Variants in PTHLH observed in about 807,000 individuals in gnomAD.
The protein encoded by PTHLH is parathyroid hormone like hormone, also known as parathyroid hormone-related protein.
Under a neutral mutation model 18.6 loss-of-function variants are expected in PTHLH, and 5 were observed. The observed-to-expected ratio is 0.27, with a 90% CI of 0.14 to 0.56. The LOEUF (loss-of-function observed/expected upper bound fraction) is 0.56, where lower values mean the gene tolerates loss of function less well. Among genes scored for constraint, PTHLH ranks in the 20% least tolerant of loss-of-function variants. The pLI is 0.92. For missense variants in PTHLH, 207 were observed against 223.9 expected, an observed-to-expected ratio of 0.92 and a Z score of 0.48; for synonymous variants, 90 against 94.0, an observed-to-expected ratio of 0.96 and a Z score of 0.25.
At chr12:27,968,803 C>T (rs1002040957) in intron 4 of PTHLH, among the ~76,000 whole-genome samples, 22 of 152,256 alleles carry the variant, frequency 1.4e-4, no homozygotes, top group Non-Finnish European at 2.5e-4. Flanking sequence ...ATCAAGCGCT[C>T]TAGCGTTCCT....
In PTHLH at chr12:27,958,543, G is replaced by T; in HGVS notation, c.*16C>A. The stretch of plus-strand genomic sequence containing the variant: ...GAATCCTGCAATATGTCCTTGGAAG[G>T]TCTCTGCTGAAAATTTCAATGCCTC... On this transcript the variant is annotated 3_prime_UTR_variant, in exon 6 of 6. Coordinates refer to ENST00000545234, the MANE Select transcript of PTHLH (RefSeq NM_198965.2). 1 of 1,572,296 alleles carries T rather than the reference G, an allele frequency of 6.4e-7. No homozygotes were observed. Among genetic ancestry groups the T allele is most frequent in the Non-Finnish European group, 8.6e-7 (1 of 1,156,392 alleles).
chr12:27,972,023 T>TTAA lies in PTHLH; in HGVS notation c.-358-5_-358-4insTTA, dbSNP rs2062875476. ...CGTTAGATCTGAAGGGGGAAATCTG[T>TTAA]AAAAAAAAAAAAAAAAAAAAAAAAA... is the stretch of plus-strand genomic sequence containing the variant. On this transcript the variant is annotated splice_region_variant and splice_polypyrimidine_tract_variant and intron_variant, in intron 1 of 5. Coordinates refer to ENST00000545234, the MANE Select transcript of PTHLH (RefSeq NM_198965.2). The TTAA allele has an allele frequency of 1.8e-5, 1 of 55,350 alleles. No homozygotes were observed. The highest frequency in any genetic ancestry group is 3.6e-5 in the Non-Finnish European group (1 of 28,018). 3.4% of individuals were successfully genotyped at this position (55,350 alleles called of 1,614,324 possible).
intron 2 of PTHLH, among the ~76,000 whole-genome samples, chr12:27,971,671 TG>T (rs1341404737): frequency 6.6e-6 from 1 of 151,610 alleles, no homozygotes; most frequent in Non-Finnish European, 1.5e-5. Context: ...CTGCTTAGGT[TG>T]GGTGGGGGGG....
chr12:27,968,241 G>C (rs1298930813), intron 4 of PTHLH, among the ~76,000 whole-genome samples: 1 of 152,148 alleles, frequency 6.6e-6, no homozygotes, highest in Non-Finnish European at 1.5e-5. Context: ...CCAAGGTTCC[G>C]ACATGTCTAA....
intron 4 of PTHLH, among the ~76,000 whole-genome samples, chr12:27,964,301 C>T (rs1277396294): frequency 1.3e-5 from 2 of 151,474 alleles, no homozygotes; most frequent in Admixed American, 1.3e-4. Context: ...CACACACGCC[C>T]CATTAAGAAA....
At chr12:27,960,521 C>T (rs1321674686) in intron 5 of PTHLH, among the ~76,000 whole-genome samples, 1 of 151,904 alleles carries the variant, frequency 6.6e-6, no homozygotes, top group Non-Finnish European at 1.5e-5. Context: ...AGTTCGAGAC[C>T]AGCCTGGCCA....
intron 5 of PTHLH, among the ~76,000 whole-genome samples, chr12:27,960,711 CTG>C (rs1196120666): frequency 2.0e-4 from 23 of 112,970 alleles, no homozygotes; most frequent in Admixed American, 1.9e-3. Context: ...GAGCAAGACT[CTG>C]TCTCAAAAAA....
chr12:27,958,437 G>A lies in PTHLH; in HGVS notation c.*122C>T. 7.4e-6 allele frequency: 7 copies of A among 944,826 alleles called. No homozygotes were observed. The highest frequency in any genetic ancestry group is 7.5e-6 in the Non-Finnish European group (5 of 670,466). 58.5% of individuals were successfully genotyped at this position (944,826 alleles called of 1,614,324 possible). ...ATGTGCAGTTTCATAGAGCAATGGG[G>A]GAGACAGTTTTATTCCAATGCATTT... On this transcript the variant is annotated 3_prime_UTR_variant, in exon 6 of 6. Coordinates refer to ENST00000545234, the MANE Select transcript of PTHLH (RefSeq NM_198965.2).
Position 27,961,420 on chromosome 12 carries a change from G to A in PTHLH, c.524+1928C>T, listed in dbSNP as rs529790063. On this transcript the variant is annotated intron_variant, in intron 5 of 5. Coordinates refer to ENST00000545234, the MANE Select transcript of PTHLH (RefSeq NM_198965.2). ...TAGGTAGAGGATACAATCAGAACTA[G>A]GTCTAAAAACACCAAAATAATATGT... Among the ~76,000 whole-genome samples, 26 of 145,902 alleles carry A rather than the reference G, an allele frequency of 1.8e-4. 1 individual carries two copies. In the South Asian group the frequency reaches 5.5e-3, roughly 31 times the overall value.
chr12:27,970,123 G>C lies in PTHLH; in HGVS notation c.-121C>G, dbSNP rs774239226. On this transcript the variant is annotated 5_prime_UTR_variant, in exon 3 of 6. Transcript: ENST00000545234. ...CGTCGATCAGGAGGGCCAGGTGGCG[G>C]CGAGGGCGGGTCGTTAGTGGCAGCC... The C allele has an allele frequency of 3.9e-6, 2 of 518,812 alleles. No individual in the cohort carries two copies. The highest frequency in any genetic ancestry group is 1.4e-5 in the South Asian group (1 of 71,614). 32.1% of individuals were successfully genotyped at this position (518,812 alleles called of 1,614,324 possible). A position where few individuals can be genotyped will look rare whatever the true frequency, so the allele number is the denominator to read the frequency against.
chr12:27,959,455 T>G (rs767754138), intron 5 of PTHLH, among the ~76,000 whole-genome samples: 2 of 152,220 alleles, frequency 1.3e-5, no homozygotes, highest in Non-Finnish European at 2.9e-5. Context: ...GTAATGACAG[T>G]ATTTTAAGAT....
chr12:27,961,311 A>ACGTATATATATATATACG (rs3032442), intron 5 of PTHLH, among the ~76,000 whole-genome samples: 1 of 108,720 alleles, frequency 9.2e-6, no homozygotes, highest in African/African-American at 3.8e-5. Flanking sequence ...GTATATATAT[A>ACGTATATATATATATACG]TATATATATA....
At chr12:27,971,103 T>G (rs570817428) in intron 2 of PTHLH, among the ~76,000 whole-genome samples, 4 of 152,052 alleles carry the variant, frequency 2.6e-5, no homozygotes, top group African/African-American at 9.6e-5. Flanking sequence ...TCACTCATGG[T>G]CGGGAGTCTA....
At chr12:27,962,817 T>G in intron 5 of PTHLH, 2 of 969,722 alleles carry the variant, frequency 2.1e-6, no homozygotes, top group Non-Finnish European at 2.5e-6. Flanking sequence ...TAAAATAAAT[T>G]TGAGATTTAA....
intron 2 of PTHLH, among the ~76,000 whole-genome samples, chr12:27,971,408 AG>A (rs2062870955): frequency 1.3e-5 from 2 of 152,058 alleles, no homozygotes; most frequent in Non-Finnish European, 2.9e-5. Context: ...AAAGAGCGCG[AG>A]TGGACTGGGA....
chr12:27,964,139 C>T (rs1342651516), intron 4 of PTHLH, among the ~76,000 whole-genome samples: 1 of 152,066 alleles, frequency 6.6e-6, no homozygotes, highest in Non-Finnish European at 1.5e-5. Flanking sequence ...ACAGAAACCA[C>T]GGAGTATCTC....
chr12:27,969,478 A>G lies in PTHLH; in HGVS notation c.17T>C (p.Val6Ala). The G allele has an allele frequency of 3.8e-6, 6 of 1,587,378 alleles. No individual in the cohort carries two copies. The highest frequency in any genetic ancestry group is 5.1e-6 in the Non-Finnish European group (6 of 1,168,652). Residue 6 changes from valine (V) to alanine (A), a missense_variant, in exon 4 of 6, where the codon GTT becomes GCT. Physicochemically the swap from Val to Ala is moderately conservative, Grantham distance 64. Coordinates refer to ENST00000545234, the MANE Select transcript of PTHLH (RefSeq NM_198965.2). ...GAACACCGCGACGCTCCACTGCTGA[A>G]CCAGTCTCCGCTGCATCGTCTCCGC... is the stretch of plus-strand genomic sequence containing the variant. MQRRL[V>A]QQWSVAVFLL... is the part of the protein sequence containing the mutation.
At chr12:27,963,895 G>A (rs1387856622) in intron 4 of PTHLH, 125 bp from the exon 5 acceptor site, 23 of 959,008 alleles carry the variant, frequency 2.4e-5, no homozygotes, top group Non-Finnish European at 3.4e-5. Flanking sequence ...AGCTGGATGG[G>A]TAGCAAGCTC....
chr12:27,960,031 A>G (rs963174628), intron 5 of PTHLH, among the ~76,000 whole-genome samples: 1 of 152,206 alleles, frequency 6.6e-6, no homozygotes, highest in Non-Finnish European at 1.5e-5. Context: ...TAAAGGACCA[A>G]GGAGAAATCT....
Sources: gnomAD v4.1 joint callset for allele counts (sites outside exome capture counted in the v4.1 genomes callset) on GRCh38, gnomAD v4.1.1 for gene constraint, MANE v1.5 for transcripts, NCBI Gene and HGNC (gene_info 2026-07-23, HGNC 2026-07-21) for gene names.